DYNC2H1: variants seen among roughly 807,000 people sequenced by gnomAD.
DYNC2H1 encodes the protein dynein cytoplasmic 2 heavy chain 1, also known as cytoplasmic dynein 2 heavy chain 1.
In DYNC2H1, 410 loss-of-function variants were observed where a neutral mutation model predicts 570.0. That is an observed-to-expected ratio of 0.72 (90% confidence interval 0.66 to 0.78). The LOEUF (loss-of-function observed/expected upper bound fraction) is 0.78. Among genes scored for constraint, DYNC2H1 ranks in the 30% least tolerant of loss-of-function variants. The probability of loss-of-function intolerance (pLI) is 0.00; values close to 1 mark genes in which losing one functional copy is unlikely to be tolerated. For synonymous variants in DYNC2H1, 1,688 were observed against 1,677.6 expected (o/e 1.01, Z -0.15); for missense variants, 4,865 against 5,046.4 (o/e 0.96, Z 1.09).
At chr11:103,371,636 G>A (rs916096862) in intron 83 of DYNC2H1, among the ~76,000 whole-genome samples, 1 of 152,148 alleles carries the variant, frequency 6.6e-6, no homozygotes, top group Non-Finnish European at 1.5e-5. Context: ...TTACAGGAGA[G>A]AGTGGCATGA....
At chr11:103,420,507 C>T (rs1398823223) in intron 84 of DYNC2H1, among the ~76,000 whole-genome samples, 1 of 152,000 alleles carries the variant, frequency 6.6e-6, no homozygotes, top group African/African-American at 2.4e-5. Flanking sequence ...AAAGGGAAGC[C>T]CATCAGACTA....
intron 82 of DYNC2H1, among the ~76,000 whole-genome samples, chr11:103,352,004 A>G (rs548605000): frequency 2.6e-5 from 4 of 152,270 alleles, no homozygotes; most frequent in African/African-American, 4.8e-5. Flanking sequence ...GAATTTCTCT[A>G]TTAGCCAAAT....
At chr11:103,376,597 A>G (rs1941403683) in intron 83 of DYNC2H1, among the ~76,000 whole-genome samples, 1 of 151,140 alleles carries the variant, frequency 6.6e-6, no homozygotes, top group South Asian at 2.1e-4. Context: ...TCTCTCTCCC[A>G]TTTATATTTG....
At chr11:103,473,637 A>C (rs1301982313) in intron 88 of DYNC2H1, among the ~76,000 whole-genome samples, 1 of 152,102 alleles carries the variant, frequency 6.6e-6, no homozygotes, top group Non-Finnish European at 1.5e-5. Context: ...ATGCCCCTAC[A>C]CCCTATGCTC....
At chr11:103,464,421 C>T (rs1432710757) in intron 87 of DYNC2H1, among the ~76,000 whole-genome samples, 4 of 152,024 alleles carry the variant, frequency 2.6e-5, no homozygotes, top group Admixed American at 6.6e-5. Context: ...AAGTATAAAA[C>T]AGAGAGAATG....
In DYNC2H1 at chr11:103,129,077, T is replaced by A; in HGVS notation, c.1953+72T>A. Reference sequence around the variant, plus strand: ...TGTTTAATTCTTAATTTTCCGGTGTTCCCTTCAGCTTAATATATCAAATGA... The same window carrying A: ...TGTTTAATTCTTAATTTTCCGGTGTACCCTTCAGCTTAATATATCAAATGA... On this transcript the variant is annotated intron_variant, in intron 13 of 88. Coordinates refer to ENST00000375735, the MANE Select transcript of DYNC2H1 (RefSeq NM_001377.3). The surrounding 1 kb of genome is among the most constrained non-coding windows in gnomAD (Gnocchi z 4.1). 1 of 1,299,196 alleles carries A rather than the reference T, an allele frequency of 7.7e-7. No homozygotes were observed. The highest frequency in any genetic ancestry group is 1.1e-6 in the Non-Finnish European group (1 of 932,146). The allele number at this position is 1,299,196 out of a possible 1,614,324, so 80.5% of individuals were successfully genotyped here. A position where few individuals can be genotyped will look rare whatever the true frequency, so the allele number is the denominator to read the frequency against.
At chr11:103,429,049 C>G (rs1943789677) in intron 84 of DYNC2H1, among the ~76,000 whole-genome samples, 1 of 101,440 alleles carries the variant, frequency 9.9e-6, no homozygotes, top group Admixed American at 1.0e-4. Context: ...TCACTTGAGC[C>G]TAGGAGTTCA....
chr11:103,174,573 T>A (rs1861718148), intron 36 of DYNC2H1, among the ~76,000 whole-genome samples: 1 of 152,148 alleles, frequency 6.6e-6, no homozygotes, highest in Admixed American at 6.5e-5. Context: ...TCAGTAGGTG[T>A]AGAGTAGAGC....
intron 55 of DYNC2H1, among the ~76,000 whole-genome samples, chr11:103,216,318 T>C (rs1242033987): frequency 2.6e-5 from 4 of 152,174 alleles, no homozygotes; most frequent in African/African-American, 4.8e-5. Flanking sequence ...TTGCCTTTGT[T>C]TTGTTGAACC....
At chr11:103,322,251 G>A (rs960008990) in intron 81 of DYNC2H1, among the ~76,000 whole-genome samples, 6 of 152,150 alleles carry the variant, frequency 3.9e-5, no homozygotes, top group African/African-American at 1.2e-4. Flanking sequence ...AGAGAATATC[G>A]CATAATTACT....
chr11:103,193,034 G>A (rs1250241089), intron 47 of DYNC2H1, among the ~76,000 whole-genome samples: 4 of 152,080 alleles, frequency 2.6e-5, no homozygotes, highest in Admixed American at 1.3e-4. Flanking sequence ...TTAGTATATT[G>A]TACATTTCTA....
At position 103,358,357 on chromosome 11, in the gene DYNC2H1, C is replaced by T. The variant is rs1208538160; in HGVS notation, c.12154C>T (p.Gln4052Ter). 3.2e-6 allele frequency: 5 copies of T among 1,551,616 alleles called. No homozygotes were observed. The highest frequency in any genetic ancestry group is 4.4e-6 in the Non-Finnish European group (5 of 1,139,320). ...CCTCAATCTCTGGAAGAAACTAAAC[C>T]AGGTTAGTAGTGGAATATTCTTCTG... ...PVLNLWKKLNQNSNLIHQKVP... is the reference protein window; with the variant it reads ...PVLNLWKKLN Residue 4052 changes from glutamine to a stop codon, truncating the protein, a stop_gained and splice_region_variant, in exon 83 of 89, where the codon CAG (glutamine) becomes TAG (stop). Transcript: ENST00000375735. LOFTEE classifies it high-confidence loss of function.
At position 103,286,747 on chromosome 11, in the gene DYNC2H1, A is replaced by G. The variant is rs373527989; in HGVS notation, c.11022+361A>G. 8.5e-4 allele frequency among the ~76,000 whole-genome samples: 129 copies of G among 152,294 alleles called. 3 individuals are homozygous for G. The highest frequency in any genetic ancestry group is 3.0e-3 in the African/African-American group (123 of 41,568). On this transcript the variant is annotated intron_variant, in intron 74 of 88. Coordinates refer to ENST00000375735, the MANE Select transcript of DYNC2H1 (RefSeq NM_001377.3). ...TAGTGAGTAACAGGGGATTTTTCCCATTCTATTTTAAAATAGAATGTTGAA... is the reference window on the plus strand; with the variant it reads ...TAGTGAGTAACAGGGGATTTTTCCCGTTCTATTTTAAAATAGAATGTTGAA...
chr11:103,314,893 A>T (rs185713660), intron 79 of DYNC2H1, among the ~76,000 whole-genome samples: 15 of 152,178 alleles, frequency 9.9e-5, no homozygotes, highest in Non-Finnish European at 1.3e-4. Context: ...AACATTTTTT[A>T]AAAATAAACT....
chr11:103,131,269 A>G (rs187758905), intron 13 of DYNC2H1, among the ~76,000 whole-genome samples: 1 of 152,136 alleles, frequency 6.6e-6, no homozygotes, highest in Non-Finnish European at 1.5e-5. Flanking sequence ...ATAGTTTACT[A>G]TATAGTTATA....
intron 40 of DYNC2H1, among the ~76,000 whole-genome samples, chr11:103,183,467 G>A (rs1303785380): frequency 6.6e-6 from 1 of 151,778 alleles, no homozygotes; most frequent in African/African-American, 2.4e-5. Context: ...TATGTTTTGA[G>A]GTCACACCGC....
intron 17 of DYNC2H1, among the ~76,000 whole-genome samples, chr11:103,140,158 C>G (rs534984537): frequency 6.6e-6 from 1 of 152,284 alleles, no homozygotes; most frequent in African/African-American, 2.4e-5. Context: ...TGGGTCTTGA[C>G]TCTTTATCCA....
rs758776022 is a variant in DYNC2H1 at position 103,257,651 on chromosome 11, T to C, written c.10505T>C (p.Met3502Thr). The change falls in exon 69 of 89, where the codon ATG becomes ACG. Residue 3502 changes from methionine to threonine, a missense_variant. By Grantham distance (81) the Met-to-Thr change is moderately conservative. Transcript: ENST00000375735. The part of the protein sequence containing the change: ...YLPLAESASK[M>T]YFIISDLSKI... Reference sequence around the variant, plus strand: ...CCCCTGGCTGAGAGTGCCAGCAAGATGTACTTCATTATTTCTGATTTGTCC... The same window carrying C: ...CCCCTGGCTGAGAGTGCCAGCAAGACGTACTTCATTATTTCTGATTTGTCC... 19 of 1,613,136 alleles carry C rather than the reference T, an allele frequency of 1.2e-5. No individual in the cohort carries two copies. Among genetic ancestry groups the C allele is most frequent in the Non-Finnish European group, 1.4e-5 (16 of 1,179,420 alleles).
chr11:103,408,205 T>C (rs894996070), intron 84 of DYNC2H1: 5 of 151,968 alleles, frequency 3.3e-5, no homozygotes, highest in Non-Finnish European at 7.4e-5. Context: ...AAGGGTTCTT[T>C]GGTGAAAAGT....
Sources: gnomAD v4.1 joint callset for allele counts (sites outside exome capture counted in the v4.1 genomes callset) on GRCh38, gnomAD v4.1.1 for gene constraint, Gnocchi (gnomAD v3.1) non-coding constraint, MANE v1.5 for transcripts, NCBI Gene and HGNC (gene_info 2026-07-23, HGNC 2026-07-21) for gene names.